TRIM38: variants seen among roughly 807,000 people sequenced by gnomAD.
TRIM38 encodes tripartite motif containing 38, also known as E3 ubiquitin-protein ligase TRIM38.
Under a neutral mutation model 35.8 loss-of-function variants are expected in TRIM38, and 35 were observed. That is an observed-to-expected ratio of 0.98 (90% CI 0.75 to 1.30). TRIM38 has a LOEUF of 1.30. TRIM38 is among the 50% of genes most tolerant of loss of function. The probability of loss-of-function intolerance (pLI) is 0.00; values close to 1 mark genes in which losing one functional copy is unlikely to be tolerated. For missense variants in TRIM38, 545 were observed against 556.9 expected, an observed-to-expected ratio of 0.98 and a Z score of 0.21; for synonymous variants, 198 against 204.7, an observed-to-expected ratio of 0.97 and a Z score of 0.28.
In TRIM38 at chr6:25,966,778, G is replaced by T; in HGVS notation, c.256G>T (p.Glu86Ter). Residue 86 changes from glutamate (E) to a stop codon, truncating the protein, a stop_gained, in exon 3 of 8, where the codon GAG becomes TAG. Coordinates refer to ENST00000357085, the MANE Select transcript of TRIM38 (RefSeq NM_006355.5). LOFTEE classifies it high-confidence loss of function. ...GGGAAGCCTCATTGAAGCCCTCAAA[G>T]AGACGGATCAAGAAATGTCATGTGA... The part of the protein sequence containing the change: ...QLGSLIEALK[E>*]TDQEMSCEEH... 6.2e-7 allele frequency: 1 copy of T among 1,614,190 alleles called. No individual in the cohort carries two copies. The highest frequency in any genetic ancestry group is 8.5e-7 in the Non-Finnish European group (1 of 1,180,040).
rs1342984348 is a variant in TRIM38 at position 25,983,303 on chromosome 6, T to C, written c.1014T>C (p.Gly338=). ...TTACTGCCTTCCCCTGTGTCTTGGG[T>C]TGTGAAGGCTTCACCTCAGGAAGAC... is the stretch of plus-strand genomic sequence containing the variant. ...RRFTAFPCVL[G]CEGFTSGRRY... is the part of the protein sequence containing the mutation. The change falls in exon 8 of 8, where the codon GGT becomes GGC. Residue 338 remains glycine, a synonymous_variant. Transcript: ENST00000357085. 8 of 1,614,008 alleles carry C rather than the reference T, an allele frequency of 5.0e-6. No individual in the cohort carries two copies. In the African/African-American group the frequency reaches 5.3e-5, roughly 11 times the overall value.
chr6:25,973,560 A>C, intron 7 of TRIM38: 1 of 977,484 alleles, frequency 1.0e-6, no homozygotes, highest in Non-Finnish European at 1.2e-6. Context: ...CTGAAAAATG[A>C]AAATATTAAC....
rs1217553823 is a variant in TRIM38, at chr6:25,986,627, C to T, written c.*2940C>T. 6.6e-6 allele frequency: 1 copy of T among 150,836 alleles called. No individual in the cohort carries two copies. Among genetic ancestry groups the T allele is most frequent in the Non-Finnish European group, 1.5e-5 (1 of 67,878 alleles). The allele number at this position is 150,836 out of a possible 1,614,324, so 9.3% of individuals were successfully genotyped here. The stretch of plus-strand genomic sequence containing the variant: ...TTTTTAAGGAAAAGCAATTCATGTA[C>T]CCTTGAAGATTAGATTAAGTTCTAT... On this transcript the variant is annotated 3_prime_UTR_variant, in exon 8 of 8. Coordinates refer to ENST00000357085, the MANE Select transcript of TRIM38 (RefSeq NM_006355.5).
At chr6:25,978,788 T>C (rs1554142890) in intron 7 of TRIM38, among the ~76,000 whole-genome samples, 1 of 152,190 alleles carries the variant, frequency 6.6e-6, no homozygotes, top group Non-Finnish European at 1.5e-5. Flanking sequence ...CACCTCAGCT[T>C]CCCGAGTAGC....
In TRIM38 at chr6:25,990,186, C is replaced by T. The variant is rs1224162824; in HGVS notation, c.*6499C>T. On this transcript the variant is annotated 3_prime_UTR_variant, in exon 8 of 8. Coordinates refer to ENST00000357085, the MANE Select transcript of TRIM38 (RefSeq NM_006355.5). Reference sequence around the variant, plus strand: ...CAGGATATTTGCAATTGCCATTTATCATGAAATTCATGACATACCTTCTTC... The same window carrying T: ...CAGGATATTTGCAATTGCCATTTATTATGAAATTCATGACATACCTTCTTC... The T allele has an allele frequency of 6.6e-6, 1 of 152,120 alleles. No individual in the cohort carries two copies. Among genetic ancestry groups the T allele is most frequent in the East Asian group, 1.9e-4 (1 of 5,180 alleles). The allele number at this position is 152,120 out of a possible 1,614,324, so 9.4% of individuals were successfully genotyped here.
Position 25,966,459 on chromosome 6 carries a change from T to C in TRIM38, c.-64T>C. ...CAGGTGAGGTGTATTTTCATCACGG[T>C]GGAAAATTCTGGCTGCTTCATCTCC... On this transcript the variant is annotated 5_prime_UTR_variant, in exon 3 of 8. Coordinates refer to ENST00000357085, the MANE Select transcript of TRIM38 (RefSeq NM_006355.5). 2 of 1,493,868 alleles carry C rather than the reference T, an allele frequency of 1.3e-6. 1 individual carries two copies. Among genetic ancestry groups the C allele is most frequent in the South Asian group, 2.7e-5 (2 of 73,816 alleles). The allele number at this position is 1,493,868 out of a possible 1,614,324, so 92.5% of individuals were successfully genotyped here. A position where few individuals can be genotyped will look rare whatever the true frequency, so the allele number is the denominator to read the frequency against.
In TRIM38 at chr6:25,983,757, T is replaced by A; in HGVS notation, c.*70T>A. The A allele has an allele frequency of 3.6e-6, 5 of 1,394,796 alleles. No individual in the cohort carries two copies. Among genetic ancestry groups the A allele is most frequent in the Non-Finnish European group, 4.8e-6 (5 of 1,039,924 alleles). The allele number at this position is 1,394,796 out of a possible 1,614,324, so 86.4% of individuals were successfully genotyped here. ...AATATAAATCCCATAAGGGCAGACG[T>A]TTGGTCTGTTTTCTTCGCTGTCATT... On this transcript the variant is annotated 3_prime_UTR_variant, in exon 8 of 8. Coordinates refer to ENST00000357085, the MANE Select transcript of TRIM38 (RefSeq NM_006355.5).
At position 25,983,197 on chromosome 6, in the gene TRIM38, A is replaced by G; in HGVS notation, c.908A>G (p.His303Arg). ...ACTCTGGATCCAGATACAGCTCATC[A>G]CGAACTAATTCTCTCTGAGGATCGG... ...SVTLDPDTAH[H>R]ELILSEDRRQ... Residue 303 changes from histidine (H) to arginine (R), a missense_variant, in exon 8 of 8, where the codon CAC becomes CGC. Transcript: ENST00000357085. 1 of 1,608,552 alleles carries G rather than the reference A, an allele frequency of 6.2e-7. No homozygotes were observed. Among genetic ancestry groups the G allele is most frequent in the Non-Finnish European group, 8.5e-7 (1 of 1,177,350 alleles).
In TRIM38 at chr6:25,990,763, G is replaced by A. The variant is rs1760813596; in HGVS notation, c.*7076G>A. 6 of 151,500 alleles carry A rather than the reference G, an allele frequency of 4.0e-5. No individual in the cohort carries two copies. Among genetic ancestry groups the A allele is most frequent in the Admixed American group, 3.9e-4 (6 of 15,246 alleles). The allele number at this position is 151,500 out of a possible 1,614,324, so 9.4% of individuals were successfully genotyped here. On this transcript the variant is annotated 3_prime_UTR_variant, in exon 8 of 8. Coordinates refer to ENST00000357085, the MANE Select transcript of TRIM38 (RefSeq NM_006355.5). The stretch of plus-strand genomic sequence containing the variant: ...ATTTAATTACTAATTATAATTCACA[G>A]TTATCCTTGTAACTCCTAATGTCTA...
At position 25,990,008 on chromosome 6, in the gene TRIM38, C is replaced by CTTTTTTTTTTTTTT; in HGVS notation, c.*6334_*6335insTTTTTTTTTTTTTT. 1 of 143,502 alleles carries CTTTTTTTTTTTTTT rather than the reference C, an allele frequency of 7.0e-6. No individual in the cohort carries two copies. 8.9% of individuals were successfully genotyped at this position (143,502 alleles called of 1,614,324 possible). On this transcript the variant is annotated 3_prime_UTR_variant, in exon 8 of 8. Coordinates refer to ENST00000357085, the MANE Select transcript of TRIM38 (RefSeq NM_006355.5). ...TTTCAATATTGTCTACTTTATCATC[C>CTTTTTTTTTTTTTT]TTTTTTTTTTTTTCTTTCTTCCTTT... is the stretch of plus-strand genomic sequence containing the variant.
intron 3 of TRIM38, 75 bp downstream of exon 3, chr6:25,967,008 T>C (rs1456752439): frequency 7.0e-7 from 1 of 1,434,732 alleles, no homozygotes; most frequent in African/African-American, 1.4e-5. Flanking sequence ...ATGATTTAAC[T>C]TGAAACCTAA....
chr6:25,977,368 C>T (rs567139651), intron 7 of TRIM38, among the ~76,000 whole-genome samples: 1 of 152,144 alleles, frequency 6.6e-6, no homozygotes, highest in African/African-American at 2.4e-5. Context: ...CAGAGCTAGA[C>T]CCTGTCTATT....
At chr6:25,965,127 T>C (rs746008787) in intron 2 of TRIM38, among the ~76,000 whole-genome samples, 1 of 152,212 alleles carries the variant, frequency 6.6e-6, no homozygotes, top group Non-Finnish European at 1.5e-5. Flanking sequence ...ACAATTATTC[T>C]TGAAGTTAAC....
chr6:25,980,468 T>G (rs1181753153), intron 7 of TRIM38, among the ~76,000 whole-genome samples: 1 of 151,800 alleles, frequency 6.6e-6, no homozygotes, highest in Non-Finnish European at 1.5e-5. Flanking sequence ...TCACCCAGGC[T>G]GTAGTGTAGT....
Position 25,971,928 on chromosome 6 carries a change from C to G in TRIM38, c.567C>G (p.Phe189Leu). The G allele has an allele frequency of 6.2e-7, 1 of 1,614,118 alleles. No individual in the cohort carries two copies. ...CTGACTTTAAGAATCTCCAGTGTTT[C>G]CTACATGAGGAAGAGAAGTCTTATC... ...IRSDFKNLQC[F>L]LHEEEKSYLW... The change falls in exon 5 of 8, where the codon TTC becomes TTG. Residue 189 changes from phenylalanine to leucine, a missense_variant. Coordinates refer to ENST00000357085, the MANE Select transcript of TRIM38 (RefSeq NM_006355.5).
rs1333189673 is a variant in TRIM38, at chr6:25,985,459, T to C, written c.*1772T>C. 1 of 152,228 alleles carries C rather than the reference T, an allele frequency of 6.6e-6. No homozygotes were observed. The highest frequency in any genetic ancestry group is 1.5e-5 in the Non-Finnish European group (1 of 68,034). The allele number at this position is 152,228 out of a possible 1,614,324, so 9.4% of individuals were successfully genotyped here. The stretch of plus-strand genomic sequence containing the variant: ...ATCCTCTTTTGAGTATTCATCTCAG[T>C]ACTCCCCTGTGTTTGTACAATGCAC... On this transcript the variant is annotated 3_prime_UTR_variant, in exon 8 of 8. Transcript: ENST00000357085.
chr6:25,967,296 A>T (rs1245190366), intron 3 of TRIM38, among the ~76,000 whole-genome samples: 1 of 152,188 alleles, frequency 6.6e-6, no homozygotes, highest in Admixed American at 6.5e-5. Context: ...CAGGGAAGAA[A>T]GACCCATCAC....
intron 7 of TRIM38, among the ~76,000 whole-genome samples, chr6:25,982,852 C>T (rs1410427829): frequency 2.6e-5 from 4 of 152,098 alleles, no homozygotes; most frequent in Non-Finnish European, 5.9e-5. Context: ...TTTGGGAGGC[C>T]GAGGTGGGTG....
intron 7 of TRIM38, among the ~76,000 whole-genome samples, chr6:25,977,957 G>T (rs1303209943): frequency 6.6e-6 from 1 of 151,910 alleles, no homozygotes; most frequent in African/African-American, 2.4e-5. Flanking sequence ...CAACAACATT[G>T]CATGTTGGCT....
Sources: gnomAD v4.1 joint callset for allele counts (sites outside exome capture counted in the v4.1 genomes callset) on GRCh38, gnomAD v4.1.1 for gene constraint, MANE v1.5 for transcripts, NCBI Gene and HGNC (gene_info 2026-07-23, HGNC 2026-07-21) for gene names.